Variants in CHN2 observed in about 807,000 individuals in gnomAD.
The protein encoded by CHN2 is chimerin 2, also known as beta-chimaerin.
CHN2 carries 35 observed loss-of-function variants against 56.3 expected under a neutral mutation model. That is an observed-to-expected ratio of 0.62 (90% confidence interval 0.47 to 0.82). The LOEUF (loss-of-function observed/expected upper bound fraction) is 0.82, where lower values mean the gene tolerates loss of function less well. CHN2 is among the 40% of genes least tolerant of loss of function. CHN2 has a pLI of 0.00. For missense variants in CHN2, 491 were observed against 580.5 expected (o/e 0.85, Z 1.58); for synonymous variants, 210 against 212.8 (o/e 0.99, Z 0.12).
intron 1 of CHN2, among the ~76,000 whole-genome samples, chr7:29,320,362 G>T (rs1018546603): frequency 6.6e-6 from 1 of 152,068 alleles, no homozygotes; most frequent in African/African-American, 2.4e-5. Flanking sequence ...CCCCCTGCAG[G>T]GGGGTGCTAA....
At chr7:29,414,275 A>G (rs1803522591) in intron 6 of CHN2, among the ~76,000 whole-genome samples, 1 of 151,918 alleles carries the variant, frequency 6.6e-6, no homozygotes, top group Non-Finnish European at 1.5e-5. Context: ...ACACCCCCGA[A>G]CTCTGGGATT....
intron 2 of CHN2, among the ~76,000 whole-genome samples, chr7:29,366,562 A>G (rs1360324242): frequency 6.6e-6 from 1 of 152,124 alleles, no homozygotes; most frequent in Admixed American, 6.5e-5. Context: ...GTTCATTGGG[A>G]TCTGAAGGCT....
rs150300146 is a variant in CHN2 at position 29,334,857 on chromosome 7, A to T, written c.50-19768A>T. Among the ~76,000 whole-genome samples the T allele has an allele frequency of 3.3e-3, 509 of 152,282 alleles. 3 individuals carry two copies. Among genetic ancestry groups the T allele is most frequent in the Non-Finnish European group, 5.1e-3 (344 of 68,016 alleles). On this transcript the variant is annotated intron_variant, in intron 1 of 12. Transcript: ENST00000222792. ...GGTCAAAGGACTAGAGTGGAGTGGGAAGGTCAAATGCAGAAATACCCCTCC... is the reference window on the plus strand; with the variant it reads ...GGTCAAAGGACTAGAGTGGAGTGGGTAGGTCAAATGCAGAAATACCCCTCC...
At position 29,400,656 on chromosome 7, in the gene CHN2, A is replaced by T. The variant is rs1478192048; in HGVS notation, c.404A>T (p.Tyr135Phe). The T allele has an allele frequency of 2.5e-6, 4 of 1,614,090 alleles. No homozygotes were observed. The highest frequency in any genetic ancestry group is 1.3e-5 in the African/African-American group (1 of 74,928). The change falls in exon 6 of 13, where the codon TAC becomes TTC. Residue 135 changes from tyrosine to phenylalanine, a missense_variant. Coordinates refer to ENST00000222792, the MANE Select transcript of CHN2 (RefSeq NM_004067.4). The stretch of plus-strand genomic sequence containing the variant: ...GTGACAGATGGCTTGATAACACTGT[A>T]CATAGAAACAAAAGCTGCCGAGTAC... ...DLVTDGLITL[Y>F]IETKAAEYIS...
intron 6 of CHN2, among the ~76,000 whole-genome samples, chr7:29,470,672 G>A (rs76842594): frequency 0.058 from 8,836 of 152,248 alleles, 303 homozygotes; most frequent in Non-Finnish European, 0.076. Flanking sequence ...TTTGCAAATT[G>A]CCATAATTTG....
chr7:29,220,028 T>G (rs552230550), intron 1 of CHN2, among the ~76,000 whole-genome samples: 1 of 151,958 alleles, frequency 6.6e-6, no homozygotes, highest in African/African-American at 2.4e-5. Flanking sequence ...TGAGCTGAGA[T>G]TGCGCCATTG....
intron 1 of CHN2, among the ~76,000 whole-genome samples, chr7:29,261,558 T>C (rs554029950): frequency 5.9e-5 from 9 of 152,230 alleles, no homozygotes; most frequent in Non-Finnish European, 1.3e-4. Flanking sequence ...TAATTTATTT[T>C]CTCTTGAAAA....
At chr7:29,433,838 AAAC>A (rs1328443114) in intron 6 of CHN2, among the ~76,000 whole-genome samples, 6 of 141,128 alleles carry the variant, frequency 4.3e-5, no homozygotes, top group East Asian at 2.0e-4. Flanking sequence ...GACTCCATCT[AAAC>A]AAAAAAAAAA....
At chr7:29,379,892 T>C (rs1363497843) in intron 3 of CHN2, among the ~76,000 whole-genome samples, 1 of 152,222 alleles carries the variant, frequency 6.6e-6, no homozygotes, top group Non-Finnish European at 1.5e-5. Flanking sequence ...GCACTTCTAC[T>C]CTTTTATTTA....
chr7:29,254,379 C>A (rs1357628883), intron 1 of CHN2, among the ~76,000 whole-genome samples: 1 of 152,178 alleles, frequency 6.6e-6, no homozygotes, highest in Admixed American at 6.5e-5. Flanking sequence ...AAAACATATT[C>A]AAAGTAACTG....
chr7:29,459,052 C>G (rs1038759718), intron 6 of CHN2, among the ~76,000 whole-genome samples: 1 of 152,190 alleles, frequency 6.6e-6, no homozygotes, highest in Non-Finnish European at 1.5e-5. Flanking sequence ...CTAGCAGGGA[C>G]CAGTTCCTGG....
In CHN2 at chr7:29,282,796, G is replaced by A. The variant is rs191095578; in HGVS notation, c.50-71829G>A. Among the ~76,000 whole-genome samples the A allele has an allele frequency of 2.3e-3, 352 of 152,186 alleles. 3 individuals are homozygous for A. The highest frequency in any genetic ancestry group is 6.4e-3 in the African/African-American group (264 of 41,518). ...AGAACAAATGCCATGAAGATCACGC[G>A]ACAGAGAAAGACATAATCTTATTTG... On this transcript the variant is annotated intron_variant, in intron 1 of 12. Coordinates refer to ENST00000222792, the MANE Select transcript of CHN2 (RefSeq NM_004067.4).
intron 7 of CHN2, among the ~76,000 whole-genome samples, chr7:29,485,397 G>A (rs2270311): frequency 7.9e-5 from 12 of 152,006 alleles, no homozygotes; most frequent in African/African-American, 2.4e-4. Context: ...GGTCACATGC[G>A]CCCTGAAGCT....
intron 1 of CHN2, among the ~76,000 whole-genome samples, chr7:29,323,150 T>TCC (rs369063531): frequency 1.5e-4 from 21 of 143,274 alleles, no homozygotes; most frequent in African/African-American, 5.2e-4. Flanking sequence ...TGAGAATCCG[T>TCC]CCCCCCCGTT....
Position 29,403,826 on chromosome 7 carries a change from G to A in CHN2, c.576+2998G>A, listed in dbSNP as rs144579583. Among the ~76,000 whole-genome samples, 918 of 152,274 alleles carry A rather than the reference G, an allele frequency of 6.0e-3. 16 individuals carry two copies. Among genetic ancestry groups the A allele is most frequent in the African/African-American group, 0.021 (878 of 41,556 alleles). ...TCCAGTGTCATTTCTTCTATGAAAC[G>A]CATTTCAGAACTTATTCCATAGATG... On this transcript the variant is annotated intron_variant, in intron 6 of 12. Coordinates refer to ENST00000222792, the MANE Select transcript of CHN2 (RefSeq NM_004067.4).
chr7:29,489,907 G>T (rs1254679660), intron 7 of CHN2, among the ~76,000 whole-genome samples: 1 of 152,122 alleles, frequency 6.6e-6, no homozygotes, highest in Non-Finnish European at 1.5e-5. Flanking sequence ...TAGAAAATCT[G>T]TGATTAGCCT....
chr7:29,330,628 A>G (rs1796142679), intron 1 of CHN2, among the ~76,000 whole-genome samples: 1 of 152,230 alleles, frequency 6.6e-6, no homozygotes, highest in Non-Finnish European at 1.5e-5. Flanking sequence ...TAGCATCAAG[A>G]ACATATCATT....
chr7:29,184,529 G>A (rs1798473846), intron 2 of CHN2: 1 of 152,166 alleles, frequency 6.6e-6, no homozygotes. Flanking sequence ...CCCAGGAAGA[G>A]CCAATGTTTC....
At chr7:29,331,669 T>C (rs1300519082) in intron 1 of CHN2, among the ~76,000 whole-genome samples, 1 of 152,052 alleles carries the variant, frequency 6.6e-6, no homozygotes, top group Admixed American at 6.5e-5. Flanking sequence ...CCCTTCAAAA[T>C]CGGGAGATTA....
Sources: allele counts gnomAD v4.1 joint callset (sites outside exome capture counted in the v4.1 genomes callset), GRCh38; gene constraint gnomAD v4.1.1; transcripts MANE v1.5; gene names NCBI Gene and HGNC (gene_info 2026-07-23, HGNC 2026-07-21).